LRRC2: variants seen among roughly 807,000 people sequenced by gnomAD.
LRRC2 encodes leucine-rich repeat-containing protein 2.
In LRRC2, 27 loss-of-function variants were observed where a neutral mutation model predicts 40.2. The ratio of observed to expected loss-of-function variants is 0.67; its 90% CI spans 0.49 to 0.93. The LOEUF is 0.93. Among genes scored for constraint, LRRC2 ranks in the 40% least tolerant of loss-of-function variants. The probability of loss-of-function intolerance (pLI) is 0.00; values close to 1 mark genes in which losing one functional copy is unlikely to be tolerated. For missense variants in LRRC2, 402 were observed against 439.6 expected (o/e 0.91, Z 0.76); for synonymous variants, 147 against 158.9 (o/e 0.92, Z 0.56).
intron 7 of LRRC2, among the ~76,000 whole-genome samples, chr3:46,522,965 G>A (rs1387505745): frequency 6.6e-6 from 1 of 152,164 alleles, no homozygotes; most frequent in Non-Finnish European, 1.5e-5. Flanking sequence ...GTCTTGAGAT[G>A]TTAGCGTGTT....
intron 3 of LRRC2, among the ~76,000 whole-genome samples, chr3:46,544,495 A>T (rs1246914884): frequency 1.3e-5 from 2 of 152,330 alleles, no homozygotes; most frequent in Non-Finnish European, 2.9e-5. Flanking sequence ...CAAAAAAGAC[A>T]CAAAATGGCA....
intron 3 of LRRC2, among the ~76,000 whole-genome samples, chr3:46,542,016 T>C (rs968005669): frequency 1.3e-5 from 2 of 151,940 alleles, no homozygotes; most frequent in African/African-American, 4.8e-5. Flanking sequence ...TCATGAATAA[T>C]CATGAATAGG....
chr3:46,563,806 T>C (rs1409885307), intron 1 of LRRC2, among the ~76,000 whole-genome samples: 1 of 152,186 alleles, frequency 6.6e-6, no homozygotes, highest in African/African-American at 2.4e-5. Flanking sequence ...GGTCATACTG[T>C]AGCATACGAT....
intron 1 of LRRC2, among the ~76,000 whole-genome samples, chr3:46,560,210 C>T (rs574013096): frequency 5.3e-5 from 8 of 152,288 alleles, no homozygotes; most frequent in African/African-American, 1.4e-4. Context: ...AATGAGAGTC[C>T]ATGTGTCAGT....
intron 1 of LRRC2, among the ~76,000 whole-genome samples, chr3:46,552,725 A>G (rs1704688763): frequency 6.6e-6 from 1 of 152,192 alleles, no homozygotes; most frequent in Non-Finnish European, 1.5e-5. Flanking sequence ...TTAAGTTAAA[A>G]AAAAAATGGC....
intron 1 of LRRC2, among the ~76,000 whole-genome samples, chr3:46,560,834 T>C (rs1261382566): frequency 6.6e-6 from 1 of 152,112 alleles, no homozygotes; most frequent in African/African-American, 2.4e-5. Flanking sequence ...CATCTCTCAC[T>C]GTAAAGGAAA....
intron 4 of LRRC2, among the ~76,000 whole-genome samples, chr3:46,535,386 T>G (rs1214056751): frequency 2.0e-5 from 3 of 152,206 alleles, no homozygotes; most frequent in Non-Finnish European, 4.4e-5. Flanking sequence ...TTCTGTTGAT[T>G]TGATATAGAC....
intron 7 of LRRC2, among the ~76,000 whole-genome samples, chr3:46,525,488 C>T (rs1391131938): frequency 6.6e-6 from 1 of 152,106 alleles, no homozygotes; most frequent in Non-Finnish European, 1.5e-5. Context: ...TGAGCTAAAG[C>T]AATCCTCCTG....
chr3:46,550,544 A>C (rs1360843895), intron 2 of LRRC2, among the ~76,000 whole-genome samples: 1 of 151,900 alleles, frequency 6.6e-6, no homozygotes, highest in African/African-American at 2.4e-5. Flanking sequence ...GGCGCCCGCC[A>C]CCACGCCCGG....
chr3:46,524,658 T>G (rs1704024319), intron 7 of LRRC2, among the ~76,000 whole-genome samples: 1 of 152,218 alleles, frequency 6.6e-6, no homozygotes. Flanking sequence ...TTCATTTTAA[T>G]AGGCTGTTAT....
At chr3:46,539,896 C>A (rs150989512) in intron 3 of LRRC2, among the ~76,000 whole-genome samples, 3 of 152,110 alleles carry the variant, frequency 2.0e-5, no homozygotes, top group Admixed American at 6.5e-5. Flanking sequence ...TCTAATTCAC[C>A]GAGAGTTACC....
At chr3:46,550,581 C>T (rs1359769794) in intron 2 of LRRC2, among the ~76,000 whole-genome samples, 6 of 152,112 alleles carry the variant, frequency 3.9e-5, no homozygotes, top group East Asian at 1.9e-4. Flanking sequence ...TTAGCAGAGA[C>T]GGGGTTTCAC....
intron 4 of LRRC2, among the ~76,000 whole-genome samples, chr3:46,534,896 T>C (rs1172315080): frequency 6.6e-6 from 1 of 152,230 alleles, no homozygotes; most frequent in Admixed American, 6.5e-5. Flanking sequence ...CCTTTGTTCA[T>C]TCCCACGTTC....
At chr3:46,554,624 A>C (rs1373534921) in intron 1 of LRRC2, among the ~76,000 whole-genome samples, 2 of 149,308 alleles carry the variant, frequency 1.3e-5, no homozygotes, top group African/African-American at 5.0e-5. Context: ...TCTGGGAGAC[A>C]GAGCAAGACT....
chr3:46,520,101 AAATT>A lies in LRRC2; in HGVS notation c.1067-1042_1067-1039del, dbSNP rs1411992833. ...TTTTAAAAGCAAATTATTTTAAAAC[AAATT>A]AATTTATTTAAGTAAATAATAACTA... On this transcript the variant is annotated intron_variant, in intron 8 of 8. Coordinates refer to ENST00000395905, the MANE Select transcript of LRRC2 (RefSeq NM_024512.5). Among the ~76,000 whole-genome samples, 16 of 149,800 alleles carry A rather than the reference AAATT, an allele frequency of 1.1e-4. No individual in the cohort carries two copies. The East Asian group carries it at 1.4e-3, about 13-fold the overall frequency.
At chr3:46,534,480 C>T (rs1484219464) in intron 4 of LRRC2, among the ~76,000 whole-genome samples, 3 of 138,370 alleles carry the variant, frequency 2.2e-5, no homozygotes, top group African/African-American at 8.3e-5. Flanking sequence ...TTGTTTCTTT[C>T]TTTCTTTCTA....
intron 7 of LRRC2, among the ~76,000 whole-genome samples, chr3:46,521,920 G>A (rs552478638): frequency 9.2e-4 from 140 of 152,292 alleles, no homozygotes; most frequent in African/African-American, 3.2e-3. Flanking sequence ...AGTACAGGAG[G>A]CCATGGAGTG....
At chr3:46,543,636 A>C (rs1413183063) in intron 3 of LRRC2, among the ~76,000 whole-genome samples, 1 of 93,790 alleles carries the variant, frequency 1.1e-5, no homozygotes, top group Non-Finnish European at 2.6e-5. Context: ...AATAATAATA[A>C]TAATAATAAT....
chr3:46,529,718 T>C (rs1037842987), intron 6 of LRRC2, among the ~76,000 whole-genome samples, 187 bp downstream of exon 6: 4 of 152,208 alleles, frequency 2.6e-5, no homozygotes, highest in East Asian at 1.9e-4. Context: ...AACACATACA[T>C]GTATGATGCA....
Sources: gnomAD v4.1 joint callset for allele counts (sites outside exome capture counted in the v4.1 genomes callset) on GRCh38, gnomAD v4.1.1 for gene constraint, MANE v1.5 for transcripts, NCBI Gene and HGNC (gene_info 2026-07-23, HGNC 2026-07-21) for gene names.